GSK3B: variants seen among roughly 807,000 people sequenced by gnomAD.
The protein encoded by GSK3B is glycogen synthase kinase-3 beta.
GSK3B carries 15 observed loss-of-function variants against 56.4 expected under a neutral mutation model. That is an observed-to-expected ratio of 0.27 (90% CI 0.18 to 0.41). GSK3B has a LOEUF of 0.41. GSK3B is among the 10% of genes least tolerant of loss of function. GSK3B has a pLI of 1.00. For synonymous variants in GSK3B, 181 were observed against 188.9 expected (o/e 0.96, Z 0.34); for missense variants, 300 against 513.4 (o/e 0.58, Z 4.02).
intron 1 of GSK3B, among the ~76,000 whole-genome samples, chr3:120,034,805 A>G (rs1214425181): frequency 6.6e-6 from 1 of 152,202 alleles, no homozygotes; most frequent in Non-Finnish European, 1.5e-5. Flanking sequence ...TCAAATTAAA[A>G]TGAGGGCCAG....
chr3:119,831,200 GGGA>G (rs1255975381), intron 10 of GSK3B, among the ~76,000 whole-genome samples: 1 of 152,142 alleles, frequency 6.6e-6, no homozygotes, highest in African/African-American at 2.4e-5. Context: ...CAGAGCACAA[GGGA>G]GGAGAATAAT....
chr3:119,894,777 T>C (rs2056544200), intron 7 of GSK3B, among the ~76,000 whole-genome samples: 1 of 151,980 alleles, frequency 6.6e-6, no homozygotes, highest in African/African-American at 2.4e-5. Flanking sequence ...TCTTTTATAA[T>C]GTGTGCTTTT....
intron 1 of GSK3B, among the ~76,000 whole-genome samples, chr3:120,080,724 G>A (rs752867121): frequency 3.0e-4 from 45 of 151,778 alleles, no homozygotes; most frequent in Non-Finnish European, 6.2e-4. Context: ...CCAGCTACTC[G>A]GGAGGCTGAA....
chr3:119,953,772 G>C (rs1018541356), intron 2 of GSK3B, among the ~76,000 whole-genome samples: 1 of 152,048 alleles, frequency 6.6e-6, no homozygotes, highest in African/African-American at 2.4e-5. Flanking sequence ...GGAATGTGCT[G>C]ACTCTCTCTC....
intron 1 of GSK3B, among the ~76,000 whole-genome samples, chr3:120,067,303 C>T (rs2058288860): frequency 6.7e-6 from 1 of 149,108 alleles, no homozygotes; most frequent in African/African-American, 2.5e-5. Context: ...ATAGGAAATA[C>T]AAATGCTCCC....
At chr3:119,895,317 C>A (rs1224375862) in intron 7 of GSK3B, among the ~76,000 whole-genome samples, 1 of 152,104 alleles carries the variant, frequency 6.6e-6, no homozygotes, top group African/African-American at 2.4e-5. Flanking sequence ...CCATATTTTT[C>A]CTTCCGTTCA....
intron 3 of GSK3B, among the ~76,000 whole-genome samples, chr3:119,928,425 G>A (rs1052372094): frequency 4.0e-5 from 6 of 151,688 alleles, no homozygotes; most frequent in Admixed American, 6.6e-5. Flanking sequence ...CTAACACGGT[G>A]AAACCCCGTC....
intron 1 of GSK3B, among the ~76,000 whole-genome samples, chr3:120,047,817 C>A (rs2058116011): frequency 6.6e-6 from 1 of 152,166 alleles, no homozygotes. Flanking sequence ...GGAAAGGACA[C>A]ATGAAAGCCT....
At chr3:119,900,148 AT>A (rs1303736961) in intron 7 of GSK3B, among the ~76,000 whole-genome samples, 3 of 152,090 alleles carry the variant, frequency 2.0e-5, no homozygotes, top group South Asian at 2.1e-4. Context: ...AAATAATTTT[AT>A]TATTGCAAAT....
At chr3:119,928,172 G>A (rs907956362) in intron 3 of GSK3B, among the ~76,000 whole-genome samples, 1 of 152,204 alleles carries the variant, frequency 6.6e-6, no homozygotes. Flanking sequence ...GAAGTAAGGA[G>A]AGAACTGGGA....
chr3:120,046,743 G>A (rs895626537), intron 1 of GSK3B, among the ~76,000 whole-genome samples: 2 of 152,142 alleles, frequency 1.3e-5, no homozygotes, highest in African/African-American at 4.8e-5. Context: ...CATGTAGCTA[G>A]GACTACAGGC....
chr3:120,035,092 CA>C (rs1000567596), intron 1 of GSK3B, among the ~76,000 whole-genome samples: 15 of 145,082 alleles, frequency 1.0e-4, no homozygotes, highest in African/African-American at 1.8e-4. Flanking sequence ...GACTCCATCT[CA>C]AAAAAAAAAA....
At chr3:119,876,772 C>T (rs75231251) in intron 7 of GSK3B, among the ~76,000 whole-genome samples, 3,941 of 151,196 alleles carry the variant, frequency 0.026, 174 homozygotes, top group African/African-American at 0.091. Flanking sequence ...GGACTCATGT[C>T]ATTAAAGTGG....
intron 1 of GSK3B, among the ~76,000 whole-genome samples, chr3:120,049,663 A>C (rs2058131454): frequency 6.6e-6 from 1 of 152,230 alleles, no homozygotes; most frequent in South Asian, 2.1e-4. Context: ...GTAGTAAATA[A>C]AAGATTCATA....
chr3:119,934,054 AT>A (rs1419903499), intron 3 of GSK3B, among the ~76,000 whole-genome samples: 1 of 152,240 alleles, frequency 6.6e-6, no homozygotes, highest in Non-Finnish European at 1.5e-5. Context: ...GAAAAGAGAC[AT>A]GTCTCTTACG....
intron 2 of GSK3B, among the ~76,000 whole-genome samples, chr3:119,965,235 T>G (rs1419810574): frequency 6.6e-6 from 1 of 151,016 alleles, no homozygotes; most frequent in Non-Finnish European, 1.5e-5. Flanking sequence ...GTATTTTTTT[T>G]TTTTTTTTAG....
intron 1 of GSK3B, among the ~76,000 whole-genome samples, chr3:120,071,872 A>T (rs1040636433): frequency 6.6e-6 from 1 of 152,234 alleles, no homozygotes; most frequent in Non-Finnish European, 1.5e-5. Context: ...TTAAGAACCC[A>T]GATATACTCT....
chr3:119,995,045 T>C (rs548763136), intron 2 of GSK3B, among the ~76,000 whole-genome samples: 2 of 150,176 alleles, frequency 1.3e-5, no homozygotes, highest in East Asian at 3.9e-4. Context: ...GGAAATAATA[T>C]GTGTAGCCTG....
At chr3:119,842,317 A>AT (rs890727438) in intron 10 of GSK3B, among the ~76,000 whole-genome samples, 16 of 151,448 alleles carry the variant, frequency 1.1e-4, no homozygotes, top group Admixed American at 1.3e-4. Context: ...CCCGTGAATA[A>AT]TTTTTTTTTG....
Sources: allele counts gnomAD v4.1 joint callset (sites outside exome capture counted in the v4.1 genomes callset), GRCh38; gene constraint gnomAD v4.1.1; transcripts MANE v1.5; gene names NCBI Gene and HGNC (gene_info 2026-07-23, HGNC 2026-07-21).